Variants in SEZ6 observed in about 807,000 individuals in gnomAD.
SEZ6 encodes seizure related 6 homolog, also known as seizure protein 6 homolog.
Under a neutral mutation model 101.0 loss-of-function variants are expected in SEZ6, and 53 were observed. The observed-to-expected ratio is 0.52, with a 90% CI of 0.42 to 0.66. SEZ6 has a LOEUF of 0.66. Among genes scored for constraint, SEZ6 ranks in the 30% least tolerant of loss-of-function variants. SEZ6 has a pLI of 0.00. For missense variants in SEZ6, 1,102 were observed against 1,289.4 expected, an observed-to-expected ratio of 0.85 and a Z score of 2.23; for synonymous variants, 488 against 512.2, an observed-to-expected ratio of 0.95 and a Z score of 0.64.
intron 4 of SEZ6, among the ~76,000 whole-genome samples, chr17:28,969,161 CTG>C (rs2041113048): frequency 6.6e-6 from 1 of 152,172 alleles, no homozygotes; most frequent in Non-Finnish European, 1.5e-5. Flanking sequence ...TTGCCTGAGT[CTG>C]TGATTTTTTT....
chr17:28,983,888 C>A (rs1300566375), intron 1 of SEZ6, among the ~76,000 whole-genome samples: 2 of 151,910 alleles, frequency 1.3e-5, no homozygotes, highest in Non-Finnish European at 2.9e-5. Context: ...CATGAGGAAG[C>A]AGCAGATGGC....
Position 29,005,860 on chromosome 17 carries a change from C to G in SEZ6, c.10G>C (p.Val4Leu). Residue 4 changes from valine (V) to leucine (L), a missense_variant, in exon 1 of 17, where the codon GTA (valine) becomes CTA (leucine). By Grantham distance (32) the Val-to-Leu change is conservative. Around this residue, in one of 3 missense-constraint regions of SEZ6, gnomAD observed 406 missense variants for 418.6 expected, o/e 0.97. Transcript: ENST00000317338. This position sits in a 1 kb window ranked among gnomAD's most constrained non-coding sequence, Gnocchi z 4.8. MRP[V>L]ALLLLPSLLA... ...AGCGAGGGCAGGAGCAGCAGGGCTACCGGGCGCATGGTGCTGGTTGCGGCC... is the reference window on the plus strand; with the variant it reads ...AGCGAGGGCAGGAGCAGCAGGGCTAGCGGGCGCATGGTGCTGGTTGCGGCC... 1 of 1,474,142 alleles carries G rather than the reference C, an allele frequency of 6.8e-7. No homozygotes were observed. Among genetic ancestry groups the G allele is most frequent in the Non-Finnish European group, 9.0e-7 (1 of 1,112,674 alleles). The allele number at this position is 1,474,142 out of a possible 1,614,324, so 91.3% of individuals were successfully genotyped here.
chr17:29,005,538 T>C lies in SEZ6; in HGVS notation c.55+277A>G, dbSNP rs1031145113. Among the ~76,000 whole-genome samples, 1 of 151,936 alleles carries C rather than the reference T, an allele frequency of 6.6e-6. No homozygotes were observed. The highest frequency in any genetic ancestry group is 2.4e-5 in the African/African-American group (1 of 41,358). The stretch of plus-strand genomic sequence containing the variant: ...TGAGCGCGTGTGTGCGGGGAGTGGG[T>C]GGCGTGATGAATTGCATCAGAGAAA... On this transcript the variant is annotated intron_variant, in intron 1 of 16. Coordinates refer to ENST00000317338, the MANE Select transcript of SEZ6 (RefSeq NM_178860.5). The surrounding 1 kb of genome is among the most constrained non-coding windows in gnomAD (Gnocchi z 4.8).
intron 1 of SEZ6, among the ~76,000 whole-genome samples, chr17:29,002,160 G>T (rs1015339974): frequency 2.6e-5 from 4 of 151,652 alleles, no homozygotes; most frequent in Non-Finnish European, 5.9e-5. Flanking sequence ...CTGCCCAGGT[G>T]GGGGCACAGC....
intron 1 of SEZ6, among the ~76,000 whole-genome samples, chr17:28,989,733 AATG>A (rs2041431180): frequency 6.6e-6 from 1 of 152,162 alleles, no homozygotes; most frequent in Non-Finnish European, 1.5e-5. Context: ...TTATAGTTTA[AATG>A]ATAATAGCCC....
chr17:29,005,810 C>A lies in SEZ6; in HGVS notation c.55+5G>T, dbSNP rs1025202349. ...GTCCTGCCGCCGGATGCCGGGGTCC[C>A]TTACCGTGAGCCAGGAGCGCCAGCA... On this transcript the variant is annotated splice_donor_5th_base_variant and intron_variant, in intron 1 of 16. Coordinates refer to ENST00000317338, the MANE Select transcript of SEZ6 (RefSeq NM_178860.5). This position sits in a 1 kb window ranked among gnomAD's most constrained non-coding sequence, Gnocchi z 4.8. 3.4e-6 allele frequency: 5 copies of A among 1,486,188 alleles called. No individual in the cohort carries two copies. In the African/African-American group the frequency reaches 7.3e-5, roughly 22 times the overall value. 92.1% of individuals were successfully genotyped at this position (1,486,188 alleles called of 1,614,324 possible).
intron 1 of SEZ6, among the ~76,000 whole-genome samples, chr17:28,982,494 C>T (rs930922883): frequency 1.3e-5 from 2 of 152,168 alleles, no homozygotes; most frequent in Non-Finnish European, 2.9e-5. Context: ...GAGATGAAAA[C>T]CGTAAGTGTG....
intron 11 of SEZ6, 149 bp from the exon 12 acceptor site, chr17:28,957,688 C>G: frequency 1.1e-6 from 1 of 944,326 alleles, no homozygotes; most frequent in Non-Finnish European, 1.5e-6. Context: ...CTAGTGTGTC[C>G]CCCCATTTGT....
chr17:28,966,230 C>G (rs1214032464), intron 4 of SEZ6, among the ~76,000 whole-genome samples: 1 of 151,068 alleles, frequency 6.6e-6, no homozygotes, highest in African/African-American at 2.4e-5. Flanking sequence ...CCTGTAATCC[C>G]AGCACTTTGG....
chr17:28,964,970 C>T (rs879828045), intron 4 of SEZ6, among the ~76,000 whole-genome samples: 3 of 151,926 alleles, frequency 2.0e-5, no homozygotes, highest in Non-Finnish European at 2.9e-5. Flanking sequence ...GCAGGAGAAT[C>T]GCTTGAACCC....
chr17:28,989,179 T>C (rs2041423790), intron 1 of SEZ6, among the ~76,000 whole-genome samples: 1 of 152,136 alleles, frequency 6.6e-6, no homozygotes, highest in African/African-American at 2.4e-5. Context: ...AACCTGAGTT[T>C]CCATATTTTT....
chr17:28,986,950 G>A (rs1056766559), intron 1 of SEZ6, among the ~76,000 whole-genome samples: 6 of 152,234 alleles, frequency 3.9e-5, no homozygotes, highest in African/African-American at 1.4e-4. Flanking sequence ...CAAGCCTCTG[G>A]CCCCTCTGAG....
intron 1 of SEZ6, among the ~76,000 whole-genome samples, chr17:28,986,429 C>T (rs918809556): frequency 1.3e-5 from 2 of 152,212 alleles, no homozygotes; most frequent in Non-Finnish European, 2.9e-5. Context: ...GGATGGGGGG[C>T]GGGGCCCAGC....
chr17:29,003,959 TC>T (rs1287656856), intron 1 of SEZ6, among the ~76,000 whole-genome samples: 2 of 151,984 alleles, frequency 1.3e-5, no homozygotes, highest in African/African-American at 4.8e-5. Flanking sequence ...CACACCCACA[TC>T]CCCATCAGGG....
At chr17:28,983,690 G>C in intron 1 of SEZ6, among the ~76,000 whole-genome samples, 1 of 152,022 alleles carries the variant, frequency 6.6e-6, no homozygotes, top group Admixed American at 6.6e-5. Flanking sequence ...ACAGAATTTT[G>C]CCAGCTCTGA....
At chr17:28,986,204 C>G (rs1005397521) in intron 1 of SEZ6, among the ~76,000 whole-genome samples, 1 of 152,236 alleles carries the variant, frequency 6.6e-6, no homozygotes, top group Non-Finnish European at 1.5e-5. Context: ...ACTAATGAGC[C>G]ATTCAGGATG....
chr17:28,967,297 G>A (rs2041085839), intron 4 of SEZ6, among the ~76,000 whole-genome samples: 1 of 152,198 alleles, frequency 6.6e-6, no homozygotes, highest in African/African-American at 2.4e-5. Context: ...CAAGGTAGGG[G>A]CTATGAGCCC....
At chr17:28,964,601 T>G (rs181869069) in intron 4 of SEZ6, among the ~76,000 whole-genome samples, 6 of 152,242 alleles carry the variant, frequency 3.9e-5, no homozygotes, top group African/African-American at 1.4e-4. Context: ...GCACTTGAAA[T>G]AGTGAAAAAC....
chr17:28,980,475 T>C (rs1360279404), intron 2 of SEZ6, among the ~76,000 whole-genome samples: 3 of 151,796 alleles, frequency 2.0e-5, no homozygotes, highest in African/African-American at 7.3e-5. Context: ...GTTCACGCCA[T>C]TCTCCTGCCT....
Sources: gnomAD v4.1 joint callset for allele counts (sites outside exome capture counted in the v4.1 genomes callset) on GRCh38, gnomAD v4.1.1 for gene constraint, gnomAD v4.1.1 regional missense constraint, Gnocchi (gnomAD v3.1) non-coding constraint, MANE v1.5 for transcripts, NCBI Gene and HGNC (gene_info 2026-07-23, HGNC 2026-07-21) for gene names.